Variants in DCLRE1C observed in about 807,000 individuals in gnomAD.
The protein encoded by DCLRE1C is protein artemis.
In DCLRE1C, 47 loss-of-function variants were observed where a neutral mutation model predicts 61.4. That is an observed-to-expected ratio of 0.77 (90% confidence interval 0.61 to 0.98). DCLRE1C has a LOEUF of 0.98. Among genes scored for constraint, DCLRE1C ranks in the 50% least tolerant of loss-of-function variants. DCLRE1C has a pLI of 0.00. For synonymous variants in DCLRE1C, 337 were observed against 287.6 expected (o/e 1.17, Z -1.74); for missense variants, 858 against 816.0 (o/e 1.05, Z -0.63).
At chr10:14,920,897 C>T (rs1370274293) in intron 12 of DCLRE1C, among the ~76,000 whole-genome samples, 7 of 151,862 alleles carry the variant, frequency 4.6e-5, no homozygotes, top group Non-Finnish European at 8.8e-5. Flanking sequence ...GCAGGAAAAT[C>T]GCTTGAACCC....
chr10:14,936,445 G>GC, intron 5 of DCLRE1C, 93 bp downstream of exon 5: 2 of 962,546 alleles, frequency 2.1e-6, no homozygotes, highest in Non-Finnish European at 3.3e-6. Flanking sequence ...ACTGCACCCA[G>GC]CCCCCTATTA....
At chr10:14,924,699 T>A (rs1394476466) in intron 11 of DCLRE1C, among the ~76,000 whole-genome samples, 8 of 151,846 alleles carry the variant, frequency 5.3e-5, no homozygotes, top group Non-Finnish European at 1.0e-4. Flanking sequence ...ATACAAAAAA[T>A]TAGCTGGGTG....
chr10:14,913,172 A>ATGAAG (rs1447614556), intron 13 of DCLRE1C, among the ~76,000 whole-genome samples: 1 of 152,272 alleles, frequency 6.6e-6, no homozygotes, highest in Admixed American at 6.5e-5. Flanking sequence ...GTTCTCTTAT[A>ATGAAG]TGAAGTGTCC....
intron 4 of DCLRE1C, among the ~76,000 whole-genome samples, chr10:14,937,800 A>G (rs1205465838): frequency 3.3e-5 from 5 of 151,900 alleles, no homozygotes; most frequent in Non-Finnish European, 7.4e-5. Flanking sequence ...AGGCTGAGGC[A>G]AGAGAATCGC....
At chr10:14,901,351 A>G, downstream of DCLRE1C, 5 of 1,527,114 alleles carry the variant, frequency 3.3e-6, no homozygotes, top group Non-Finnish European at 4.5e-6. Flanking sequence ...ATTTGAACCA[A>G]ACCTAATACT....
intron 2 of DCLRE1C, among the ~76,000 whole-genome samples, chr10:14,947,339 C>T (rs559380666): frequency 5.9e-5 from 9 of 152,294 alleles, no homozygotes; most frequent in African/African-American, 2.2e-4. Context: ...AAGGGGCTGA[C>T]ATCTGAAGAC....
At chr10:14,913,893 T>C (rs1474956775) in intron 13 of DCLRE1C, among the ~76,000 whole-genome samples, 1 of 152,160 alleles carries the variant, frequency 6.6e-6, no homozygotes, top group African/African-American at 2.4e-5. Flanking sequence ...ATGACTGCAT[T>C]ATAAGCCACT....
intron 13 of DCLRE1C, among the ~76,000 whole-genome samples, chr10:14,912,857 G>GT (rs1464082163): frequency 6.6e-6 from 1 of 151,630 alleles, no homozygotes; most frequent in Non-Finnish European, 1.5e-5. Context: ...AATTTTTTGT[G>GT]TTTTTAGTAG....
chr10:14,942,472 G>A (rs74124758), intron 3 of DCLRE1C: 2 of 152,192 alleles, frequency 1.3e-5, no homozygotes, highest in Non-Finnish European at 2.9e-5. Flanking sequence ...TCAATCAAAG[G>A]TCAGATGTGG....
Position 14,926,829 on chromosome 10 carries a change from T to G in DCLRE1C, c.972+14A>C, listed in dbSNP as rs1055606065. ...CTGAGCGATAAGGGTTATGAGTATA[T>G]GGGATCCTCTTACCTCACTGTAGGA... On this transcript the variant is annotated intron_variant, in intron 11 of 13. Transcript: ENST00000378278. 3.1e-6 allele frequency: 5 copies of G among 1,608,890 alleles called. No homozygotes were observed. The highest frequency in any genetic ancestry group is 3.4e-6 in the Non-Finnish European group (4 of 1,175,524).
At chr10:14,925,514 T>C (rs1010250090) in intron 11 of DCLRE1C, among the ~76,000 whole-genome samples, 1 of 152,242 alleles carries the variant, frequency 6.6e-6, no homozygotes, top group African/African-American at 2.4e-5. Flanking sequence ...ACAGGGTTCC[T>C]GCCATCCTTT....
downstream of DCLRE1C, chr10:14,903,743 G>A (rs746384509): frequency 5.3e-5 from 8 of 152,114 alleles, no homozygotes; most frequent in Non-Finnish European, 1.2e-4. Context: ...ATTTCTAATT[G>A]TGTTGTGAAA....
intron 4 of DCLRE1C, among the ~76,000 whole-genome samples, chr10:14,938,231 T>C (rs113205309): frequency 0.014 from 2,078 of 152,322 alleles, 21 homozygotes; most frequent in Non-Finnish European, 0.022. Context: ...CGGCCCCCAG[T>C]TCAGGGAATG....
chr10:14,935,812 CA>C (rs1184100076), intron 5 of DCLRE1C, among the ~76,000 whole-genome samples: 2 of 152,290 alleles, frequency 1.3e-5, no homozygotes, highest in African/African-American at 4.8e-5. Context: ...TTAGCACTTT[CA>C]ATTATATGTT....
At chr10:14,899,566 C>T (rs543776803) in intron 13 of DCLRE1C, 1 of 1,614,052 alleles carries the variant, frequency 6.2e-7, no homozygotes, top group Non-Finnish European at 8.5e-7. Flanking sequence ...AGCTGAAAGA[C>T]GAGGACAGTT....
At chr10:14,933,102 C>T (rs1277026168) in intron 8 of DCLRE1C, 147 bp from the exon 9 acceptor site, 1 of 859,058 alleles carries the variant, frequency 1.2e-6, no homozygotes, top group African/African-American at 1.7e-5. Flanking sequence ...TCAGTGCACT[C>T]TGGTATTCCG....
intron 11 of DCLRE1C, among the ~76,000 whole-genome samples, chr10:14,924,233 T>C (rs1034697342): frequency 6.6e-6 from 1 of 152,270 alleles, no homozygotes; most frequent in African/African-American, 2.4e-5. Context: ...CCCATTCTTA[T>C]GTGGCCAGTG....
intron 13 of DCLRE1C, among the ~76,000 whole-genome samples, chr10:14,909,633 A>G (rs1198029401): frequency 1.3e-5 from 2 of 151,804 alleles, no homozygotes; most frequent in Admixed American, 6.6e-5. Context: ...AGGTTTCTGT[A>G]TCTCATTCCA....
At chr10:14,901,397 T>C (rs1833994772), downstream of DCLRE1C, 7 of 1,191,432 alleles carry the variant, frequency 5.9e-6, no homozygotes, top group Non-Finnish European at 8.2e-6. Context: ...TTTGTCATCC[T>C]AAGGTACAAA....
Sources: gnomAD v4.1 joint callset for allele counts (sites outside exome capture counted in the v4.1 genomes callset) on GRCh38, gnomAD v4.1.1 for gene constraint, MANE v1.5 for transcripts, NCBI Gene and HGNC (gene_info 2026-07-23, HGNC 2026-07-21) for gene names.